PTER: variants seen among roughly 807,000 people sequenced by gnomAD.
PTER encodes phosphotriesterase related.
PTER carries 38 observed loss-of-function variants against 29.6 expected under a neutral mutation model. The ratio of observed to expected loss-of-function variants is 1.28; its 90% CI spans 0.99 to 1.68. The LOEUF is 1.68. PTER is among the 40% of genes most tolerant of loss of function. The pLI, the probability that PTER is intolerant of heterozygous loss-of-function variation, is 0.00. For missense variants in PTER, 482 were observed against 427.8 expected (o/e 1.13, Z -1.12); for synonymous variants, 172 against 154.5 (o/e 1.11, Z -0.84).
chr10:16,492,670 C>T (rs1835941169), intron 3 of PTER, among the ~76,000 whole-genome samples: 1 of 152,224 alleles, frequency 6.6e-6, no homozygotes, highest in Non-Finnish European at 1.5e-5. Context: ...GGGAAACAGA[C>T]AGGTGCTGTG....
At chr10:16,487,303 G>T (rs1221402640) in intron 3 of PTER, among the ~76,000 whole-genome samples, 1 of 152,160 alleles carries the variant, frequency 6.6e-6, no homozygotes, top group Non-Finnish European at 1.5e-5. Flanking sequence ...TCCTCCAAAG[G>T]CTGCAGGGAG....
chr10:16,450,325 T>C (rs542320238), intron 1 of PTER, among the ~76,000 whole-genome samples: 128 of 152,128 alleles, frequency 8.4e-4, no homozygotes, highest in Non-Finnish European at 1.5e-3. Flanking sequence ...AGGTAGTGCA[T>C]GGTTAATCTC....
At chr10:16,508,240 T>G (rs1385353598) in intron 4 of PTER, among the ~76,000 whole-genome samples, 7 of 151,932 alleles carry the variant, frequency 4.6e-5, no homozygotes, top group African/African-American at 1.7e-4. Flanking sequence ...GGCTAATTTT[T>G]TGTATTTTTA....
Position 16,505,138 on chromosome 10 carries a change from GATGATAACAAAAGAATTAGAA to G in PTER, c.818_838del (p.Asp273_Arg280delinsGly). ...ACTCGGCCCAGATATTGACATGCCT[GATGATAACAAAAGAATTAGAA>G]GGTAAATATGGTAAAGCCTCTCATA... On this transcript the variant is annotated inframe_deletion and splice_region_variant, in exon 4 of 5. Transcript: ENST00000535784. 6.2e-7 allele frequency: 1 copy of G among 1,613,902 alleles called. No individual in the cohort carries two copies. Among genetic ancestry groups the G allele is most frequent in the Non-Finnish European group, 8.5e-7 (1 of 1,179,884 alleles).
chr10:16,495,398 G>A (rs1050086930), intron 3 of PTER, among the ~76,000 whole-genome samples: 14 of 152,190 alleles, frequency 9.2e-5, no homozygotes, highest in African/African-American at 2.4e-4. Flanking sequence ...TCAAACTATC[G>A]ACCTCAAGTG....
At chr10:16,467,528 G>A (rs11816041) in intron 1 of PTER, among the ~76,000 whole-genome samples, 92,006 of 151,598 alleles carry the variant, frequency 0.61, 28,709 homozygotes, top group East Asian at 0.8. Flanking sequence ...TAGCACATTT[G>A]CTGCCGGGCT....
In PTER at chr10:16,445,695, G is replaced by A. The variant is rs114560476; in HGVS notation, c.-49+8648G>A. Reference sequence around the variant, plus strand: ...ACTTACAAAGAGGCCACTTGTCTCCGATGCACTGATGCACCATGCGTGGCT... The same window carrying A: ...ACTTACAAAGAGGCCACTTGTCTCCAATGCACTGATGCACCATGCGTGGCT... On this transcript the variant is annotated intron_variant, in intron 1 of 4. Coordinates refer to ENST00000535784, the MANE Select transcript of PTER (RefSeq NM_001261836.2). Among the ~76,000 whole-genome samples, 931 of 152,264 alleles carry A rather than the reference G, an allele frequency of 6.1e-3. 15 individuals carry two copies. The highest frequency in any genetic ancestry group is 0.021 in the African/African-American group (893 of 41,552).
chr10:16,515,002 T>G (rs1251126795), downstream of PTER, among the ~76,000 whole-genome samples: 1 of 152,116 alleles, frequency 6.6e-6, no homozygotes, highest in African/African-American at 2.4e-5. Context: ...GTATCACTCG[T>G]TTTTCTAACT....
intron 1 of PTER, among the ~76,000 whole-genome samples, chr10:16,461,933 T>C (rs1204565094): frequency 6.6e-6 from 1 of 152,176 alleles, no homozygotes; most frequent in Non-Finnish European, 1.5e-5. Flanking sequence ...TCATGACTTT[T>C]TTTTTCAAAC....
At chr10:16,490,923 T>C (rs1384675490) in intron 3 of PTER, among the ~76,000 whole-genome samples, 2 of 151,982 alleles carry the variant, frequency 1.3e-5, no homozygotes, top group Non-Finnish European at 2.9e-5. Flanking sequence ...AATGTTTTCT[T>C]TATTGCCTAG....
intron 3 of PTER, 142 bp from the exon 4 acceptor site, chr10:16,504,878 A>C (rs1836497837): frequency 1.2e-6 from 1 of 852,566 alleles, no homozygotes; most frequent in African/African-American, 1.7e-5. Context: ...TACTCACATC[A>C]TTAAGAGCCA....
chr10:16,454,094 G>A (rs1347958728), intron 1 of PTER, among the ~76,000 whole-genome samples: 2 of 152,196 alleles, frequency 1.3e-5, no homozygotes, highest in African/African-American at 2.4e-5. Flanking sequence ...CATCCCGTCT[G>A]TGTCTATTTT....
intron 1 of PTER, among the ~76,000 whole-genome samples, chr10:16,470,850 T>C (rs2133415407): frequency 6.6e-6 from 1 of 152,370 alleles, no homozygotes; most frequent in Middle Eastern, 3.4e-3. Flanking sequence ...GGTTTATCTT[T>C]ACTTACAATT....
In PTER at chr10:16,508,181, A is replaced by G. The variant is rs368643459; in HGVS notation, c.840-2865A>G. On this transcript the variant is annotated intron_variant, in intron 4 of 4. Transcript: ENST00000535784. ...CCTCCCAGGTTCACGCCATTCTCCT[A>G]CCTCAGCCTCCCGAGTAGCTGGGAC... Among the ~76,000 whole-genome samples, 14 of 144,898 alleles carry G rather than the reference A, an allele frequency of 9.7e-5. No homozygotes were observed. The East Asian group carries it at 1.4e-3, about 15-fold the overall frequency.
intron 1 of PTER, among the ~76,000 whole-genome samples, chr10:16,460,937 G>A (rs923169263): frequency 4.6e-5 from 7 of 152,186 alleles, no homozygotes; most frequent in African/African-American, 7.2e-5. Context: ...GGCTGGTCTC[G>A]AACTCCTGAC....
At chr10:16,442,177 A>G (rs1479244872) in intron 1 of PTER, among the ~76,000 whole-genome samples, 1 of 152,248 alleles carries the variant, frequency 6.6e-6, no homozygotes, top group African/African-American at 2.4e-5. Context: ...GTGTACCCAC[A>G]AAATTTCTTT....
At chr10:16,506,315 C>A (rs10508513) in intron 4 of PTER, among the ~76,000 whole-genome samples, 1 of 151,882 alleles carries the variant, frequency 6.6e-6, no homozygotes, top group Non-Finnish European at 1.5e-5. Flanking sequence ...TCTGGAGTTA[C>A]AAGTCAATAA....
intron 3 of PTER, 114 bp downstream of exon 3, chr10:16,486,731 A>G: frequency 8.5e-7 from 1 of 1,169,614 alleles, no homozygotes; most frequent in Non-Finnish European, 1.2e-6. Flanking sequence ...GAAAACCACT[A>G]ACTATATGGA....
At chr10:16,444,338 G>A (rs984803818) in intron 1 of PTER, among the ~76,000 whole-genome samples, 7 of 151,820 alleles carry the variant, frequency 4.6e-5, no homozygotes, top group South Asian at 2.1e-4. Context: ...CACCCAGGCC[G>A]GAGTGTGGTG....
Sources: gnomAD v4.1 joint callset for allele counts (sites outside exome capture counted in the v4.1 genomes callset) on GRCh38, gnomAD v4.1.1 for gene constraint, MANE v1.5 for transcripts, NCBI Gene and HGNC (gene_info 2026-07-23, HGNC 2026-07-21) for gene names.